The following OTOGL variants were observed in gnomAD, a reference collection of about 807,000 sequenced individuals.
The protein encoded by OTOGL is otogelin like, also known as otogelin-like protein.
A neutral mutation model predicts 318.5 loss-of-function variants in OTOGL; 285 were observed. The observed-to-expected ratio is 0.89, with a 90% confidence interval of 0.81 to 0.99. The LOEUF is 0.99. OTOGL is among the 50% of genes least tolerant of loss of function. The pLI, the probability that OTOGL is intolerant of heterozygous loss-of-function variation, is 0.00. For synonymous variants in OTOGL, 987 were observed against 936.5 expected, an observed-to-expected ratio of 1.05 and a Z score of -0.99; for missense variants, 2,899 against 2,845.6, an observed-to-expected ratio of 1.02 and a Z score of -0.43.
intron 1 of OTOGL, among the ~76,000 whole-genome samples, chr12:80,173,627 A>T (rs1280700986): frequency 6.6e-6 from 1 of 152,166 alleles, no homozygotes; most frequent in East Asian, 1.9e-4. Context: ...ATCCTATCTC[A>T]TTCCATGGCT....
At chr12:80,184,800 C>A (rs548325689) in intron 1 of OTOGL, among the ~76,000 whole-genome samples, 1 of 152,088 alleles carries the variant, frequency 6.6e-6, no homozygotes, top group Non-Finnish European at 1.5e-5. Flanking sequence ...TAATACCAGG[C>A]AAATTGGATG....
intron 26 of OTOGL, among the ~76,000 whole-genome samples, chr12:80,290,989 C>G (rs1885007047): frequency 1.3e-5 from 2 of 152,158 alleles, no homozygotes; most frequent in African/African-American, 4.8e-5. Context: ...TCAATAACTA[C>G]TTGTTAGTAT....
At chr12:80,102,333 T>C (rs935319032) in intron 1 of OTOGL, among the ~76,000 whole-genome samples, 1 of 152,224 alleles carries the variant, frequency 6.6e-6, no homozygotes, top group Non-Finnish European at 1.5e-5. Flanking sequence ...TATATTATCA[T>C]CAATTAAATG....
At chr12:80,312,829 T>A (rs372383024) in intron 30 of OTOGL, among the ~76,000 whole-genome samples, 2 of 152,226 alleles carry the variant, frequency 1.3e-5, no homozygotes, top group South Asian at 2.1e-4. Flanking sequence ...TCTTTTTTTT[T>A]ATTTGAGACA....
chr12:80,278,990 G>A (rs1423172541), intron 25 of OTOGL, 38 bp from the exon 26 acceptor site: 44 of 1,582,442 alleles, frequency 2.8e-5, no homozygotes, highest in Non-Finnish European at 3.6e-5. Context: ...AGTTAGAGTC[G>A]TTTCTTTAGA....
At chr12:80,338,948 A>C (rs1888575708) in intron 42 of OTOGL, 127 bp from the exon 43 acceptor site, 8 of 793,580 alleles carry the variant, frequency 1.0e-5, no homozygotes, top group Non-Finnish European at 1.5e-5. Context: ...GGCAGCAGTA[A>C]GAAATACATT....
chr12:80,296,623 A>G (rs1036090595), intron 26 of OTOGL, among the ~76,000 whole-genome samples: 12 of 152,196 alleles, frequency 7.9e-5, no homozygotes, highest in Non-Finnish European at 1.6e-4. Context: ...CAGATATTAT[A>G]GGTGTTTAAA....
At position 80,296,848 on chromosome 12, in the gene OTOGL, T is replaced by A; in HGVS notation, c.2950T>A (p.Ser984Thr). The change falls in exon 27 of 59, where the codon TCT becomes ACT. Residue 984 changes from serine (S) to threonine (T), a missense_variant. Physicochemically the swap from Ser to Thr is moderately conservative, Grantham distance 58. Around this residue, in one of 3 missense-constraint regions of OTOGL, gnomAD observed 2,607 missense variants for 2,524.9 expected, o/e 1.03. Transcript: ENST00000547103. ...TCAGAGTGCAGATGATTCAGATATATCTGTCATTGCCCAGAACAAGAAATG... is the reference window on the plus strand; with the variant it reads ...TCAGAGTGCAGATGATTCAGATATAACTGTCATTGCCCAGAACAAGAAATG... ...LIKSADDSDISVIAQNKKCFD... is the reference protein window; with the variant it reads ...LIKSADDSDITVIAQNKKCFD... 1.3e-6 allele frequency: 2 copies of A among 1,515,336 alleles called. No individual in the cohort carries two copies. Among genetic ancestry groups the A allele is most frequent in the Non-Finnish European group, 1.8e-6 (2 of 1,130,128 alleles). The allele number at this position is 1,515,336 out of a possible 1,614,324, so 93.9% of individuals were successfully genotyped here.
chr12:80,137,001 T>C (rs945167374), intron 1 of OTOGL, among the ~76,000 whole-genome samples: 2 of 152,164 alleles, frequency 1.3e-5, no homozygotes, highest in Admixed American at 6.5e-5. Flanking sequence ...GTTTGTTGGC[T>C]GGATTAATGC....
chr12:80,240,291 A>T (rs1880263700), intron 11 of OTOGL, among the ~76,000 whole-genome samples: 1 of 151,154 alleles, frequency 6.6e-6, no homozygotes, highest in African/African-American at 2.5e-5. Flanking sequence ...TAAATGTTTT[A>T]CCTAACTAGC....
rs1201399166 is a variant in OTOGL at position 80,265,010 on chromosome 12, C to T, written c.2024C>T (p.Ala675Val). ...TTGGGCTCTTTGTTAGTTGGGTATG[C>T]AGCACACTGTGATGTCATCCACCAG... is the stretch of plus-strand genomic sequence containing the variant. ...CNINQQNIGY[A>V]AHCDVIHQEL... is the part of the protein sequence containing the mutation. Residue 675 changes from alanine (A) to valine (V), a missense_variant, in exon 20 of 59, where the codon GCA becomes GTA. Physicochemically the swap from Ala to Val is moderately conservative, Grantham distance 64 (BLOSUM62 0). Around this residue, in one of 3 missense-constraint regions of OTOGL, gnomAD observed 2,607 missense variants for 2,524.9 expected, o/e 1.03. Transcript: ENST00000547103. 5 of 1,613,700 alleles carry T rather than the reference C, an allele frequency of 3.1e-6. No homozygotes were observed. In the South Asian group the frequency reaches 5.5e-5, roughly 18 times the overall value.
At chr12:80,211,259 T>C (rs78119434) in intron 3 of OTOGL, among the ~76,000 whole-genome samples, 1,610 of 152,160 alleles carry the variant, frequency 0.011, 21 homozygotes, top group African/African-American at 0.037. Flanking sequence ...ATGTATTATG[T>C]TCATTTTTAG....
intron 1 of OTOGL, among the ~76,000 whole-genome samples, chr12:80,127,531 T>A (rs1870931518): frequency 6.6e-6 from 1 of 152,178 alleles, no homozygotes; most frequent in East Asian, 1.9e-4. Context: ...GAGTTGCTCT[T>A]CTCGAGGAGT....
intron 7 of OTOGL, among the ~76,000 whole-genome samples, chr12:80,225,823 A>G (rs931860187): frequency 1.3e-5 from 2 of 152,132 alleles, no homozygotes; most frequent in African/African-American, 4.8e-5. Flanking sequence ...TAGAATTTCA[A>G]AGGATATGTT....
At chr12:80,369,565 C>T (rs1162613368) in intron 55 of OTOGL, among the ~76,000 whole-genome samples, 1 of 151,976 alleles carries the variant, frequency 6.6e-6, no homozygotes, top group African/African-American at 2.4e-5. Flanking sequence ...AATAGAGTGG[C>T]AATAAAAAGC....
Position 80,342,167 on chromosome 12 carries a change from G to A in OTOGL, c.5265+5G>A, listed in dbSNP as rs902734999. ...TTCATTCCATGTCATGATAAAGTAA[G>A]TTGGAAGCAACCATAAATAATACTT... On this transcript the variant is annotated splice_donor_5th_base_variant and intron_variant, in intron 44 of 58. Coordinates refer to ENST00000547103, the MANE Select transcript of OTOGL (RefSeq NM_001378609.3). The A allele has an allele frequency of 2.6e-6, 4 of 1,545,962 alleles. No homozygotes were observed. Among genetic ancestry groups the A allele is most frequent in the East Asian group, 2.3e-5 (1 of 42,680 alleles).
chr12:80,279,540 A>G (rs890917145), intron 26 of OTOGL, among the ~76,000 whole-genome samples: 1 of 151,710 alleles, frequency 6.6e-6, no homozygotes, highest in Non-Finnish European at 1.5e-5. Context: ...AAGTGAGAAC[A>G]TGCGGTATTT....
At chr12:80,249,605 C>G (rs572761240) in intron 11 of OTOGL, among the ~76,000 whole-genome samples, 4 of 152,212 alleles carry the variant, frequency 2.6e-5, no homozygotes, top group African/African-American at 9.6e-5. Flanking sequence ...GCAGAGGTTA[C>G]TGCTGTCTTT....
intron 34 of OTOGL, among the ~76,000 whole-genome samples, chr12:80,323,309 T>C (rs2137846102): frequency 6.6e-6 from 1 of 152,248 alleles, no homozygotes; most frequent in South Asian, 2.1e-4. Flanking sequence ...TCCTGTAGCA[T>C]TGTAGTCAAA....
Sources: gnomAD v4.1 joint callset for allele counts (sites outside exome capture counted in the v4.1 genomes callset) on GRCh38, gnomAD v4.1.1 for gene constraint, gnomAD v4.1.1 regional missense constraint, MANE v1.5 for transcripts, NCBI Gene and HGNC (gene_info 2026-07-23, HGNC 2026-07-21) for gene names.